The following FAM81A variants were observed in gnomAD, a reference collection of about 807,000 sequenced individuals.
FAM81A encodes protein FAM81A.
A neutral mutation model predicts 46.7 loss-of-function variants in FAM81A; 19 were observed. The observed-to-expected ratio is 0.41, with a 90% CI of 0.28 to 0.60. FAM81A has a LOEUF of 0.60. Ranked by LOEUF, FAM81A falls within the 20% of genes least tolerant of loss-of-function variation. FAM81A has a pLI of 0.34. For missense variants in FAM81A, 377 were observed against 453.5 expected (o/e 0.83, Z 1.53); for synonymous variants, 183 against 152.9 (o/e 1.20, Z -1.45).
At chr15:59,488,511 T>C (rs949933409) in intron 3 of FAM81A, among the ~76,000 whole-genome samples, 5 of 152,202 alleles carry the variant, frequency 3.3e-5, no homozygotes, top group Non-Finnish European at 5.9e-5. Context: ...GATCTTATAT[T>C]TGGAAAAGCC....
intron 4 of FAM81A, among the ~76,000 whole-genome samples, chr15:59,494,797 A>G (rs1361542213): frequency 2.0e-5 from 3 of 152,162 alleles, no homozygotes; most frequent in African/African-American, 4.8e-5. Flanking sequence ...CTAGGTTGCT[A>G]TATTATTTCA....
chr15:59,406,677 T>C (rs1596458570), intron 2 of FAM81A, among the ~76,000 whole-genome samples: 1 of 152,300 alleles, frequency 6.6e-6, no homozygotes, highest in African/African-American at 2.4e-5. Context: ...CCCCCAGCTC[T>C]AGGCAACCGC....
At chr15:59,463,465 C>T (rs186499997) in intron 3 of FAM81A, among the ~76,000 whole-genome samples, 1 of 152,004 alleles carries the variant, frequency 6.6e-6, no homozygotes, top group Non-Finnish European at 1.5e-5. Flanking sequence ...TAGTCTATGT[C>T]CTTTGCATTT....
At chr15:59,514,522 G>GT in intron 7 of FAM81A, 98 bp downstream of exon 7, 1 of 1,403,178 alleles carries the variant, frequency 7.1e-7, no homozygotes, top group African/African-American at 1.4e-5. Flanking sequence ...TGATTTAGCT[G>GT]TTCAATTGTT....
intron 3 of FAM81A, among the ~76,000 whole-genome samples, chr15:59,488,703 G>T (rs1406392717): frequency 6.6e-6 from 1 of 152,222 alleles, no homozygotes; most frequent in African/African-American, 2.4e-5. Context: ...CTGGCCAGGT[G>T]CTGTGGCTCA....
chr15:59,413,963 C>A (rs1214424554), intron 2 of FAM81A, among the ~76,000 whole-genome samples: 3 of 151,918 alleles, frequency 2.0e-5, no homozygotes, highest in African/African-American at 7.3e-5. Context: ...AATTCTTTTT[C>A]TTTTTTTAGA....
chr15:59,440,365 C>G lies in FAM81A; in HGVS notation c.-78+2083C>G, dbSNP rs185867646. ...AGCAGGAGACGATGAAGAGAAGGAA[C>G]AGAACTCTCTGGGCAATTCTGATGT... On this transcript the variant is annotated intron_variant, in intron 1 of 8. Coordinates refer to ENST00000288228, the MANE Select transcript of FAM81A (RefSeq NM_152450.3). 2.6e-5 allele frequency among the ~76,000 whole-genome samples: 4 copies of G among 152,214 alleles called. No individual in the cohort carries two copies. In the East Asian group the frequency reaches 5.8e-4, roughly 22 times the overall value.
chr15:59,487,145 TTAAAG>T (rs59697079), intron 3 of FAM81A, among the ~76,000 whole-genome samples: 75,285 of 147,280 alleles, frequency 0.51, 21,045 homozygotes, highest in Admixed American at 0.63. Flanking sequence ...GGAGATGATG[TTAAAG>T]TATAGAGTTA....
chr15:59,518,070 A>T (rs58087393), intron 8 of FAM81A, among the ~76,000 whole-genome samples: 17,698 of 150,496 alleles, frequency 0.12, 2,200 homozygotes, highest in African/African-American at 0.32. Context: ...CCTTCAGGGT[A>T]CAAGCGATTC....
At chr15:59,441,540 C>G (rs2081297777) in intron 1 of FAM81A, among the ~76,000 whole-genome samples, 1 of 152,226 alleles carries the variant, frequency 6.6e-6, no homozygotes, top group African/African-American at 2.4e-5. Flanking sequence ...TTGAACTGTC[C>G]TCAGGTTCTC....
chr15:59,516,771 G>A lies in FAM81A; in HGVS notation c.913G>A (p.Gly305Arg), dbSNP rs749141776. Residue 305 changes from glycine (G) to arginine (R), a missense_variant, in exon 8 of 9, where the codon GGG (glycine) becomes AGG (arginine). By Grantham distance (125) the Gly-to-Arg change is moderately radical. Coordinates refer to ENST00000288228, the MANE Select transcript of FAM81A (RefSeq NM_152450.3). ...AAGGCAAGAAGAGGAGAAGATGCACGGGCGAATCACCAAGCTGGAGTTACA... is the reference window on the plus strand; with the variant it reads ...AAGGCAAGAAGAGGAGAAGATGCACAGGCGAATCACCAAGCTGGAGTTACA... ...RTRQEEEKMHGRITKLELQMN... is the reference protein window; with the variant it reads ...RTRQEEEKMHRRITKLELQMN... The A allele has an allele frequency of 6.8e-6, 11 of 1,612,852 alleles. No homozygotes were observed. Among genetic ancestry groups the A allele is most frequent in the South Asian group, 1.1e-5 (1 of 90,904 alleles).
At chr15:59,467,782 G>A (rs546211500) in intron 3 of FAM81A, among the ~76,000 whole-genome samples, 1 of 152,158 alleles carries the variant, frequency 6.6e-6, no homozygotes, top group Non-Finnish European at 1.5e-5. Context: ...TCCTTGTTTT[G>A]TGCCGGTTTT....
At chr15:59,497,913 A>G (rs1000192455) in intron 4 of FAM81A, among the ~76,000 whole-genome samples, 3 of 152,278 alleles carry the variant, frequency 2.0e-5, no homozygotes, top group South Asian at 4.2e-4. Flanking sequence ...ACTGGAGTGC[A>G]GTGGCATGAT....
intron 2 of FAM81A, among the ~76,000 whole-genome samples, chr15:59,418,977 T>G (rs202022414): frequency 6.6e-6 from 1 of 152,172 alleles, no homozygotes; most frequent in Non-Finnish European, 1.5e-5. Flanking sequence ...AGACTGGCTG[T>G]AGAAAAAAAA....
Position 59,422,113 on chromosome 15 carries a change from A to G in FAM81A, c.-78+19755A>G, listed in dbSNP as rs192856015. On this transcript the variant is annotated intron_variant, in intron 2 of 4. Transcript: ENST00000558348. The stretch of plus-strand genomic sequence containing the variant: ...TAAAGTATTTTTAAGTGGGCCAGGC[A>G]CAGTGGCTCATGTCTGTAATCCTAG... Among the ~76,000 whole-genome samples the G allele has an allele frequency of 7.9e-5, 12 of 152,284 alleles. No homozygotes were observed. In the East Asian group the frequency reaches 2.1e-3, roughly 27 times the overall value.
intron 1 of FAM81A, chr15:59,444,261 C>T (rs753949525): frequency 1.3e-5 from 2 of 152,164 alleles, no homozygotes; most frequent in East Asian, 1.9e-4. Context: ...TCTGCTAGCA[C>T]GTGGTGTGCG....
chr15:59,461,160 G>C (rs997027466), intron 3 of FAM81A, among the ~76,000 whole-genome samples: 2 of 152,152 alleles, frequency 1.3e-5, no homozygotes, highest in African/African-American at 4.8e-5. Flanking sequence ...CCTGTTTGCA[G>C]TCAATTCCTA....
intron 2 of FAM81A, among the ~76,000 whole-genome samples, chr15:59,405,711 C>T (rs1370008068): frequency 1.3e-5 from 2 of 152,172 alleles, no homozygotes; most frequent in South Asian, 2.1e-4. Context: ...AAAACTTCAG[C>T]ATAAGTGCAC....
intron 3 of FAM81A, among the ~76,000 whole-genome samples, chr15:59,466,246 G>A (rs549239290): frequency 9.2e-5 from 14 of 152,284 alleles, no homozygotes; most frequent in African/African-American, 3.4e-4. Context: ...GGGTCAAATG[G>A]TAATTCTAGT....
Sources: gnomAD v4.1 joint callset for allele counts (sites outside exome capture counted in the v4.1 genomes callset) on GRCh38, gnomAD v4.1.1 for gene constraint, MANE v1.5 for transcripts, NCBI Gene and HGNC (gene_info 2026-07-23, HGNC 2026-07-21) for gene names.